Variants in ADAMTS9 observed in about 807,000 individuals in gnomAD.
ADAMTS9 encodes the protein ADAM metallopeptidase with thrombospondin type 1 motif 9.
ADAMTS9 carries 107 observed loss-of-function variants against 257.1 expected under a neutral mutation model. That is an observed-to-expected ratio of 0.42 (90% CI 0.36 to 0.49). ADAMTS9 has a LOEUF of 0.49. ADAMTS9 is among the 20% of genes least tolerant of loss of function. ADAMTS9 has a pLI of 0.03. For synonymous variants in ADAMTS9, 982 were observed against 880.9 expected, an observed-to-expected ratio of 1.11 and a Z score of -2.03; for missense variants, 2,353 against 2,469.1, an observed-to-expected ratio of 0.95 and a Z score of 1.00.
At chr3:64,671,720 G>A (rs972911322) in intron 3 of ADAMTS9, among the ~76,000 whole-genome samples, 1 of 152,164 alleles carries the variant, frequency 6.6e-6, no homozygotes, top group Admixed American at 6.5e-5. Flanking sequence ...AGTCACATGT[G>A]CATACCACAT....
intron 28 of ADAMTS9, among the ~76,000 whole-genome samples, chr3:64,570,694 T>A (rs111315732): frequency 0.067 from 1,997 of 29,868 alleles, 52 homozygotes; most frequent in East Asian, 0.24. Flanking sequence ...AGACTCCGTC[T>A]CAAAAAAAAA....
chr3:64,578,680 C>T (rs1418306347), intron 28 of ADAMTS9, among the ~76,000 whole-genome samples: 4 of 152,218 alleles, frequency 2.6e-5, no homozygotes, highest in Non-Finnish European at 5.9e-5. Flanking sequence ...AAGTCCTGCT[C>T]TTCCTCCACA....
chr3:64,561,524 C>T, intron 30 of ADAMTS9, 54 bp downstream of exon 30: 1 of 1,560,016 alleles, frequency 6.4e-7, no homozygotes, highest in Non-Finnish European at 8.7e-7. Context: ...GTGAGGATAG[C>T]AAGGGGCGCA....
chr3:64,678,833 G>C lies in ADAMTS9; in HGVS notation c.679+2368C>G, dbSNP rs1023891382. Among the ~76,000 whole-genome samples, 4 of 152,316 alleles carry C rather than the reference G, an allele frequency of 2.6e-5. 1 individual carries two copies. In the East Asian group the frequency reaches 5.8e-4, roughly 22 times the overall value. On this transcript the variant is annotated intron_variant, in intron 3 of 39. Coordinates refer to ENST00000498707, the MANE Select transcript of ADAMTS9 (RefSeq NM_182920.2). ...AGAAGCTGCATCTGAATTCAAAGAAGGGGTGCAGAAGTAGCTGGAAGAGAG... is the reference window on the plus strand; with the variant it reads ...AGAAGCTGCATCTGAATTCAAAGAACGGGTGCAGAAGTAGCTGGAAGAGAG...
At position 64,658,749 on chromosome 3, in the gene ADAMTS9, G is replaced by T; in HGVS notation, c.722C>A (p.Ala241Glu). ...RHSKDKKKTR[A>E]RKWGERINLA... ...GTTAATCCTTTCTCCCCATTTTCTT[G>T]CTCTGGTTTTCTTCTTGTCTTTACT... The change falls in exon 4 of 40, where the codon GCA (alanine) becomes GAA (glutamate). Residue 241 changes from alanine to glutamate, a missense_variant. Ala to Glu is a moderately radical substitution (Grantham distance 107, BLOSUM62 -1). Coordinates refer to ENST00000498707, the MANE Select transcript of ADAMTS9 (RefSeq NM_182920.2). The T allele has an allele frequency of 1.2e-6, 2 of 1,614,030 alleles. No homozygotes were observed. Among genetic ancestry groups the T allele is most frequent in the Non-Finnish European group, 1.7e-6 (2 of 1,179,996 alleles).
At chr3:64,656,635 G>A (rs1301670350) in intron 4 of ADAMTS9, among the ~76,000 whole-genome samples, 2 of 152,128 alleles carry the variant, frequency 1.3e-5, no homozygotes, top group African/African-American at 4.8e-5. Context: ...AAATTCTTAG[G>A]AGAGAACTGA....
intron 7 of ADAMTS9, 49 bp downstream of exon 7, chr3:64,654,523 C>T: frequency 6.8e-7 from 1 of 1,480,038 alleles, no homozygotes; most frequent in Non-Finnish European, 8.9e-7. Flanking sequence ...GAAATACAAA[C>T]ATGTAGTAAA....
intron 3 of ADAMTS9, among the ~76,000 whole-genome samples, chr3:64,675,140 A>G (rs1413753628): frequency 1.3e-5 from 2 of 152,212 alleles, no homozygotes; most frequent in Non-Finnish European, 2.9e-5. Context: ...GGCTGAAGAA[A>G]ATGGTATGTT....
chr3:64,545,928 G>A (rs1296819061), intron 32 of ADAMTS9, among the ~76,000 whole-genome samples: 4 of 152,080 alleles, frequency 2.6e-5, no homozygotes, highest in Non-Finnish European at 5.9e-5. Context: ...AGAGCTGCCT[G>A]GTCCAGAGCC....
At chr3:64,667,741 T>G (rs1038283298) in intron 3 of ADAMTS9, among the ~76,000 whole-genome samples, 1 of 152,208 alleles carries the variant, frequency 6.6e-6, no homozygotes, top group Non-Finnish European at 1.5e-5. Flanking sequence ...ATAATCATAC[T>G]GGCCAACGTT....
At chr3:64,575,763 A>G (rs932997099) in intron 28 of ADAMTS9, among the ~76,000 whole-genome samples, 1 of 152,142 alleles carries the variant, frequency 6.6e-6, no homozygotes, top group African/African-American at 2.4e-5. Context: ...AACTGTACCC[A>G]ATATCACTGT....
chr3:64,674,712 G>C (rs1701582617), intron 3 of ADAMTS9, among the ~76,000 whole-genome samples: 1 of 152,192 alleles, frequency 6.6e-6, no homozygotes, highest in Non-Finnish European at 1.5e-5. Flanking sequence ...GCCCAGGCAG[G>C]ATTCTGAAGT....
chr3:64,594,569 G>A (rs569404701), intron 27 of ADAMTS9, 135 bp from the exon 28 acceptor site: 18 of 1,020,196 alleles, frequency 1.8e-5, no homozygotes, highest in Admixed American at 7.2e-5. Flanking sequence ...GAACCAAGGT[G>A]AATTACCAAT....
At chr3:64,652,159 T>A (rs766122181) in intron 8 of ADAMTS9, among the ~76,000 whole-genome samples, 1 of 152,192 alleles carries the variant, frequency 6.6e-6, no homozygotes, top group Non-Finnish European at 1.5e-5. Flanking sequence ...GAGAGAGAAA[T>A]TCCCTTCACT....
chr3:64,562,062 A>G (rs2083436300), intron 29 of ADAMTS9, among the ~76,000 whole-genome samples: 1 of 152,164 alleles, frequency 6.6e-6, no homozygotes, highest in African/African-American at 2.4e-5. Context: ...CACAACCTGG[A>G]AATAGTGCTG....
chr3:64,580,398 A>C (rs1274242225), intron 28 of ADAMTS9, among the ~76,000 whole-genome samples: 2 of 152,166 alleles, frequency 1.3e-5, no homozygotes, highest in Admixed American at 1.3e-4. Flanking sequence ...TGATAGAATG[A>C]AATCATAGCC....
chr3:64,541,334 C>T lies in ADAMTS9; in HGVS notation c.5373G>A (p.Glu1791=). 6.2e-7 allele frequency: 1 copy of T among 1,614,168 alleles called. No homozygotes were observed. The highest frequency in any genetic ancestry group is 8.5e-7 in the Non-Finnish European group (1 of 1,180,038). Residue 1791 remains glutamate, a synonymous_variant, in exon 35 of 40, where the codon GAG becomes GAA. Coordinates refer to ENST00000498707, the MANE Select transcript of ADAMTS9 (RefSeq NM_182920.2). ...LVHGDSENFS[E]VYGHRLHNPT... ...GGCTCTCCTACCTGTGCCCATAAAC[C>T]TCGGAGAAATTCTCAGAGTCTCCAT...
Position 64,597,331 on chromosome 3 carries a change from C to T in ADAMTS9, c.4018-340G>A, listed in dbSNP as rs1274282845. On this transcript the variant is annotated intron_variant, in intron 26 of 39. Transcript: ENST00000498707. The stretch of plus-strand genomic sequence containing the variant: ...TAAGAGGTACAGAGGTGTTGATGGA[C>T]ACGACAGTTAATTTGGAAATTCTTT... Among the ~76,000 whole-genome samples the T allele has an allele frequency of 2.0e-5, 3 of 152,184 alleles. No individual in the cohort carries two copies. In the East Asian group the frequency reaches 5.8e-4, roughly 29 times the overall value.
intron 16 of ADAMTS9, 39 bp downstream of exon 16, chr3:64,631,416 A>G: frequency 6.5e-7 from 1 of 1,535,528 alleles, no homozygotes. Context: ...ACTGCTCCAT[A>G]GAACCAGAAC....
Sources: gnomAD v4.1 joint callset for allele counts (sites outside exome capture counted in the v4.1 genomes callset) on GRCh38, gnomAD v4.1.1 for gene constraint, MANE v1.5 for transcripts, NCBI Gene and HGNC (gene_info 2026-07-23, HGNC 2026-07-21) for gene names.